Variants in CACNG2 observed in about 807,000 individuals in gnomAD.
The protein encoded by CACNG2 is calcium voltage-gated channel auxiliary subunit gamma 2.
Under a neutral mutation model 25.9 loss-of-function variants are expected in CACNG2, and 3 were observed. That is an observed-to-expected ratio of 0.12 (90% CI 0.05 to 0.30). The LOEUF is 0.30. Ranked by LOEUF, CACNG2 falls within the 10% of genes least tolerant of loss-of-function variation. CACNG2 has a pLI of 1.00. For synonymous variants in CACNG2, 167 were observed against 173.3 expected, an observed-to-expected ratio of 0.96 and a Z score of 0.29; for missense variants, 341 against 432.5, an observed-to-expected ratio of 0.79 and a Z score of 1.88.
intron 1 of CACNG2, among the ~76,000 whole-genome samples, chr22:36,637,667 A>C (rs890758296): frequency 6.6e-6 from 1 of 152,152 alleles, no homozygotes; most frequent in Non-Finnish European, 1.5e-5. Context: ...AGGCTTCAAG[A>C]GGTCGGTGAG....
intron 1 of CACNG2, 51 bp from the exon 2 acceptor site, chr22:36,587,599 G>T (rs751366451): frequency 7.7e-7 from 1 of 1,295,638 alleles, no homozygotes; most frequent in Non-Finnish European, 1.1e-6. Flanking sequence ...TTTTGGGGGC[G>T]CTTAGGGCCC....
At chr22:36,671,603 A>T (rs948514879) in intron 1 of CACNG2, among the ~76,000 whole-genome samples, 1 of 152,194 alleles carries the variant, frequency 6.6e-6, no homozygotes, top group Non-Finnish European at 1.5e-5. Context: ...CAAAGCACTG[A>T]ATCGCCAACA....
chr22:36,578,357 C>A (rs1157376676), intron 2 of CACNG2, among the ~76,000 whole-genome samples: 164 of 130,000 alleles, frequency 1.3e-3, no homozygotes, highest in Admixed American at 1.7e-3. Context: ...GACTCAATCT[C>A]AAAAAAAAAA....
rs1268621944 is a variant in CACNG2, at chr22:36,562,287, CG to C, written c.*2063del. 6.6e-6 allele frequency: 1 copy of C among 151,942 alleles called. No homozygotes were observed. Among genetic ancestry groups the C allele is most frequent in the Non-Finnish European group, 1.5e-5 (1 of 68,330 alleles). The allele number at this position is 151,942 out of a possible 1,614,324, so 9.4% of individuals were successfully genotyped here. A position where few individuals can be genotyped will look rare whatever the true frequency, so the allele number is the denominator to read the frequency against. Reference sequence around the variant, plus strand: ...GTCCTGGTCATCCCTGGCATATCCTCGGGGCAGGTGGCAGATCTTAAGTCAC... The same window carrying C: ...GTCCTGGTCATCCCTGGCATATCCTCGGGCAGGTGGCAGATCTTAAGTCAC... On this transcript the variant is annotated 3_prime_UTR_variant, in exon 4 of 4. Transcript: ENST00000300105.
chr22:36,587,344 G>A, intron 2 of CACNG2, 121 bp downstream of exon 2: 1 of 793,696 alleles, frequency 1.3e-6, no homozygotes, highest in Non-Finnish European at 2.3e-6. Flanking sequence ...GAGAGGCTTA[G>A]CTTTTTCCTG....
intron 1 of CACNG2, among the ~76,000 whole-genome samples, chr22:36,680,878 C>T (rs1158790173): frequency 1.3e-5 from 2 of 150,790 alleles, no homozygotes; most frequent in African/African-American, 2.4e-5. Context: ...ATCACTATCA[C>T]CACCACCACC....
At chr22:36,577,130 A>T (rs1030541119) in intron 2 of CACNG2, among the ~76,000 whole-genome samples, 1 of 152,186 alleles carries the variant, frequency 6.6e-6, no homozygotes, top group Admixed American at 6.5e-5. Context: ...AAGCACACTT[A>T]GCTCACAGGG....
At chr22:36,572,092 T>G (rs1935239924) in intron 2 of CACNG2, among the ~76,000 whole-genome samples, 1 of 152,118 alleles carries the variant, frequency 6.6e-6, no homozygotes, top group Non-Finnish European at 1.5e-5. Context: ...TCAGGAAATA[T>G]CTGATTTATT....
At position 36,605,429 on chromosome 22, in the gene CACNG2, G is replaced by A. The variant is rs111818521; in HGVS notation, c.212-17881C>T. 3.5e-3 allele frequency among the ~76,000 whole-genome samples: 527 copies of A among 152,290 alleles called. 3 individuals carry two copies. The highest frequency in any genetic ancestry group is 6.8e-3 in the South Asian group (33 of 4,822). On this transcript the variant is annotated intron_variant, in intron 1 of 3. Coordinates refer to ENST00000300105, the MANE Select transcript of CACNG2 (RefSeq NM_006078.5). ...CCAAAAAATTTGTGTGACTCACTAT[G>A]TTATGATATCTGGTGTATTGTGGTG...
intron 1 of CACNG2, among the ~76,000 whole-genome samples, chr22:36,613,165 T>TGC (rs1935972114): frequency 8.5e-6 from 1 of 117,068 alleles, no homozygotes; most frequent in East Asian, 3.2e-4. Flanking sequence ...TCTGTGTGTG[T>TGC]GTGTGTGTGT....
intron 1 of CACNG2, among the ~76,000 whole-genome samples, chr22:36,598,205 T>G (rs954984658): frequency 5.9e-5 from 9 of 152,214 alleles, no homozygotes; most frequent in Non-Finnish European, 8.8e-5. Flanking sequence ...AGTTAGTGTG[T>G]GTGGGTGTCC....
At chr22:36,667,710 C>A (rs960318503) in intron 1 of CACNG2, among the ~76,000 whole-genome samples, 1 of 152,138 alleles carries the variant, frequency 6.6e-6, no homozygotes, top group Non-Finnish European at 1.5e-5. Context: ...AGCTACATTT[C>A]GCCTTCATGT....
At chr22:36,573,512 A>G (rs535827572) in intron 2 of CACNG2, among the ~76,000 whole-genome samples, 9 of 152,206 alleles carry the variant, frequency 5.9e-5, no homozygotes, top group African/African-American at 2.2e-4. Flanking sequence ...TTGTATTTTT[A>G]GTAGAGACGG....
intron 1 of CACNG2, among the ~76,000 whole-genome samples, chr22:36,653,302 C>A (rs1486864166): frequency 6.6e-6 from 1 of 152,134 alleles, no homozygotes; most frequent in African/African-American, 2.4e-5. Flanking sequence ...CCAGCCTGGG[C>A]AACAAGAGTG....
rs527612097 is a variant in CACNG2, at chr22:36,676,776, A to C, written c.211+25590T>G. Among the ~76,000 whole-genome samples the C allele has an allele frequency of 7.2e-5, 11 of 152,360 alleles. No homozygotes were observed. In the East Asian group the frequency reaches 1.7e-3, roughly 24 times the overall value. ...AGAAGAGGCAGACAGCCTCTAGCCC[A>C]GATTCTCTGCCTCCATATCCGGTGC... On this transcript the variant is annotated intron_variant, in intron 1 of 3. Transcript: ENST00000300105.
At chr22:36,610,135 G>A (rs2145940312) in intron 1 of CACNG2, among the ~76,000 whole-genome samples, 1 of 150,976 alleles carries the variant, frequency 6.6e-6, no homozygotes, top group East Asian at 2.0e-4. Context: ...AGTGTGATCC[G>A]GCAGGAATCA....
intron 1 of CACNG2, among the ~76,000 whole-genome samples, chr22:36,692,276 G>A (rs1937276113): frequency 2.6e-5 from 4 of 152,188 alleles, no homozygotes; most frequent in Admixed American, 1.3e-4. Context: ...CTTGTTAGCC[G>A]AAGGAAGGCT....
At chr22:36,588,284 G>A (rs1935535966) in intron 1 of CACNG2, among the ~76,000 whole-genome samples, 1 of 152,220 alleles carries the variant, frequency 6.6e-6, no homozygotes, top group African/African-American at 2.4e-5. Flanking sequence ...AATCAGGGCT[G>A]AAACTAGGAT....
intron 1 of CACNG2, among the ~76,000 whole-genome samples, chr22:36,692,125 GCC>G (rs2146015439): frequency 6.6e-6 from 1 of 152,324 alleles, no homozygotes; most frequent in African/African-American, 2.4e-5. Context: ...AGTGAGTTTT[GCC>G]TGGTGCAAGG....
Sources: allele counts gnomAD v4.1 joint callset (sites outside exome capture counted in the v4.1 genomes callset), GRCh38; gene constraint gnomAD v4.1.1; transcripts MANE v1.5; gene names NCBI Gene and HGNC (gene_info 2026-07-23, HGNC 2026-07-21).